NLRP4: variants seen among roughly 807,000 people sequenced by gnomAD.
The protein encoded by NLRP4 is NLR family pyrin domain containing 4, also known as NACHT, LRR and PYD domains-containing protein 4.
A neutral mutation model predicts 84.7 loss-of-function variants in NLRP4; 44 were observed. That is an observed-to-expected ratio of 0.52 (90% CI 0.41 to 0.67). NLRP4 has a LOEUF of 0.67. NLRP4 is among the 30% of genes least tolerant of loss of function. NLRP4 has a pLI of 0.00. For synonymous variants in NLRP4, 544 were observed against 476.4 expected, an observed-to-expected ratio of 1.14 and a Z score of -1.85; for missense variants, 1,260 against 1,219.4, an observed-to-expected ratio of 1.03 and a Z score of -0.50.
intron 1 of NLRP4, among the ~76,000 whole-genome samples, chr19:55,839,960 G>T (rs1983543427): frequency 6.6e-6 from 1 of 152,032 alleles, no homozygotes; most frequent in South Asian, 2.1e-4. Flanking sequence ...TTTATTCATA[G>T]ATTACTTAGA....
At chr19:55,877,303 C>A in intron 8 of NLRP4, 137 bp downstream of exon 8, 2 of 789,774 alleles carry the variant, frequency 2.5e-6, no homozygotes, top group Non-Finnish European at 4.1e-6. Context: ...CAGTGTAAAA[C>A]TTCAGGGCTT....
chr19:55,877,358 C>T (rs1985413910), intron 8 of NLRP4, among the ~76,000 whole-genome samples, 192 bp downstream of exon 8: 1 of 152,140 alleles, frequency 6.6e-6, no homozygotes, highest in Non-Finnish European at 1.5e-5. Flanking sequence ...CTTGTCTGGG[C>T]AGGCGTCACT....
At chr19:55,860,124 T>C (rs1984689821) in intron 3 of NLRP4, among the ~76,000 whole-genome samples, 2 of 151,596 alleles carry the variant, frequency 1.3e-5, no homozygotes, top group African/African-American at 2.4e-5. Flanking sequence ...TAGCTGGGAC[T>C]AGAGGGGCCC....
At chr19:55,852,630 C>T (rs914181321) in intron 2 of NLRP4, among the ~76,000 whole-genome samples, 1 of 152,014 alleles carries the variant, frequency 6.6e-6, no homozygotes, top group Non-Finnish European at 1.5e-5. Context: ...GCGCCTGCCA[C>T]CATGCCTGGC....
At chr19:55,878,540 C>T (rs970965066) in intron 8 of NLRP4, among the ~76,000 whole-genome samples, 4 of 152,252 alleles carry the variant, frequency 2.6e-5, no homozygotes, top group Non-Finnish European at 5.9e-5. Flanking sequence ...AGGTATGAAG[C>T]CGGAAATAGA....
chr19:55,862,987 G>A (rs1012235633), intron 5 of NLRP4, among the ~76,000 whole-genome samples: 2 of 152,180 alleles, frequency 1.3e-5, no homozygotes, highest in Non-Finnish European at 2.9e-5. Flanking sequence ...ACCTGGAGGT[G>A]CACATTCGAC....
intron 1 of NLRP4, among the ~76,000 whole-genome samples, chr19:55,846,524 T>C (rs1484207755): frequency 2.0e-5 from 3 of 152,184 alleles, no homozygotes; most frequent in Non-Finnish European, 4.4e-5. Flanking sequence ...TCAGTGGTTT[T>C]CAAATCTGGG....
In NLRP4 at chr19:55,867,790, G is replaced by A. The variant is rs1985018538; in HGVS notation, c.2268G>A (p.Leu756=). 1 of 1,614,040 alleles carries A rather than the reference G, an allele frequency of 6.2e-7. No individual in the cohort carries two copies. The highest frequency in any genetic ancestry group is 1.3e-5 in the African/African-American group (1 of 74,934). The change falls in exon 6 of 10, where the codon CTG becomes CTA. Residue 756 remains leucine (L), a synonymous_variant. Coordinates refer to ENST00000301295, the MANE Select transcript of NLRP4 (RefSeq NM_134444.5). ...CCAACAACAAGAAGCTGACGTATCT[G>A]AATGTATCCTGCAACCAGTTAGACA... ...LLTNNKKLTY[L]NVSCNQLDTG...
At chr19:55,867,318 G>A (rs1319735632) in intron 5 of NLRP4, among the ~76,000 whole-genome samples, 1 of 151,374 alleles carries the variant, frequency 6.6e-6, no homozygotes, top group Non-Finnish European at 1.5e-5. Context: ...GCATGTAACT[G>A]AGACTGTGTC....
At chr19:55,848,868 G>A (rs1317998400) in intron 1 of NLRP4, among the ~76,000 whole-genome samples, 1 of 152,070 alleles carries the variant, frequency 6.6e-6, no homozygotes, top group East Asian at 1.9e-4. Flanking sequence ...CCCCCATACT[G>A]TTCTCCTAGT....
At chr19:55,867,617 A>T in intron 5 of NLRP4, 92 bp from the exon 6 acceptor site, 2 of 1,178,038 alleles carry the variant, frequency 1.7e-6, no homozygotes, top group Non-Finnish European at 2.5e-6. Context: ...AAGGACAGCA[A>T]ATGTGGGCTT....
intron 9 of NLRP4, among the ~76,000 whole-genome samples, chr19:55,879,279 G>C (rs773938076): frequency 6.6e-6 from 1 of 152,158 alleles, no homozygotes; most frequent in Non-Finnish European, 1.5e-5. Context: ...AAAGAGTGAG[G>C]TTAAGAGCAG....
Position 55,881,727 on chromosome 19 carries a change from G to T in NLRP4, c.*140G>T, listed in dbSNP as rs1985601041. The T allele has an allele frequency of 1.1e-5, 6 of 545,044 alleles. No homozygotes were observed. The South Asian group carries it at 1.7e-4, about 15-fold the overall frequency. The allele number at this position is 545,044 out of a possible 1,614,324, so 33.8% of individuals were successfully genotyped here. A position where few individuals can be genotyped will look rare whatever the true frequency, so the allele number is the denominator to read the frequency against. On this transcript the variant is annotated 3_prime_UTR_variant, in exon 10 of 10. Transcript: ENST00000301295. ...TTTCTGGCACCCCATTCATAGATTT[G>T]ATATGATACACGTGGTTTTTATGTG...
chr19:55,872,121 T>C (rs570165310), intron 7 of NLRP4, among the ~76,000 whole-genome samples: 2 of 152,264 alleles, frequency 1.3e-5, no homozygotes, highest in East Asian at 3.9e-4. Flanking sequence ...GTGCTGGGAT[T>C]ACAGGCATGA....
intron 5 of NLRP4, among the ~76,000 whole-genome samples, chr19:55,863,134 G>C (rs555166300): frequency 6.6e-6 from 1 of 152,186 alleles, no homozygotes; most frequent in Non-Finnish European, 1.5e-5. Flanking sequence ...TGTTCCATGA[G>C]AAAGAACACT....
chr19:55,845,077 C>T (rs950582511), intron 1 of NLRP4, among the ~76,000 whole-genome samples: 1 of 151,776 alleles, frequency 6.6e-6, no homozygotes, highest in Non-Finnish European at 1.5e-5. Flanking sequence ...GCACAACGTG[C>T]AGGTTTGTTA....
chr19:55,839,352 T>A (rs1983518240), intron 1 of NLRP4, among the ~76,000 whole-genome samples: 1 of 148,202 alleles, frequency 6.7e-6, no homozygotes, highest in African/African-American at 2.5e-5. Context: ...CACATGCTTA[T>A]GCTCTCACAC....
intron 2 of NLRP4, among the ~76,000 whole-genome samples, chr19:55,855,140 G>A (rs1189260792): frequency 6.6e-6 from 1 of 152,196 alleles, no homozygotes; most frequent in African/African-American, 2.4e-5. Flanking sequence ...AGCCCAGGAG[G>A]ATGAGGCTGC....
intron 1 of NLRP4, among the ~76,000 whole-genome samples, chr19:55,845,177 T>A: frequency 2.8e-5 from 2 of 71,076 alleles, no homozygotes; most frequent in Admixed American, 2.2e-4. Context: ...CCCTCCCCCC[T>A]CCCCCCACCC....
Sources: gnomAD v4.1 joint callset for allele counts (sites outside exome capture counted in the v4.1 genomes callset) on GRCh38, gnomAD v4.1.1 for gene constraint, MANE v1.5 for transcripts, NCBI Gene and HGNC (gene_info 2026-07-23, HGNC 2026-07-21) for gene names.